CELSR1: variants seen among roughly 807,000 people sequenced by gnomAD.
The protein encoded by CELSR1 is adhesion G protein-coupled receptor C1.
Under a neutral mutation model 249.1 loss-of-function variants are expected in CELSR1, and 110 were observed. The ratio of observed to expected loss-of-function variants is 0.44; its 90% CI spans 0.38 to 0.52. The LOEUF (loss-of-function observed/expected upper bound fraction) is 0.52, where lower values mean the gene tolerates loss of function less well. Ranked by LOEUF, CELSR1 falls within the 20% of genes least tolerant of loss-of-function variation. The pLI, the probability that CELSR1 is intolerant of heterozygous loss-of-function variation, is 0.00. For synonymous variants in CELSR1, 2,113 were observed against 1,900.0 expected, an observed-to-expected ratio of 1.11 and a Z score of -2.92; for missense variants, 4,109 against 4,296.4, an observed-to-expected ratio of 0.96 and a Z score of 1.22.
chr22:46,371,913 C>G (rs375087507), intron 25 of CELSR1, among the ~76,000 whole-genome samples: 160 of 146,482 alleles, frequency 1.1e-3, no homozygotes, highest in South Asian at 4.2e-3. Context: ...ATCCCTCCAT[C>G]CACCCACCCA....
intron 2 of CELSR1, among the ~76,000 whole-genome samples, chr22:46,443,668 CACACAT>C (rs1204599559): frequency 4.6e-5 from 7 of 152,230 alleles, no homozygotes; most frequent in African/African-American, 7.2e-5. Flanking sequence ...TTCACACACA[CACACAT>C]ACATACACAT....
chr22:46,366,490 G>T lies in CELSR1; in HGVS notation c.8206-10C>A. The T allele has an allele frequency of 6.5e-7, 1 of 1,548,000 alleles. No homozygotes were observed. The highest frequency in any genetic ancestry group is 8.7e-7 in the Non-Finnish European group (1 of 1,144,724). On this transcript the variant is annotated splice_polypyrimidine_tract_variant and intron_variant, in intron 29 of 34. Transcript: ENST00000674500. ...TGCAGTTGAGGGAGCGCTGAAGGGAGGGGAGGGGCTGGTCACTGCCAAGTG... is the reference window on the plus strand; with the variant it reads ...TGCAGTTGAGGGAGCGCTGAAGGGATGGGAGGGGCTGGTCACTGCCAAGTG...
intron 1 of CELSR1, among the ~76,000 whole-genome samples, chr22:46,480,276 C>T (rs182515370): frequency 9.9e-4 from 151 of 152,292 alleles, no homozygotes; most frequent in African/African-American, 3.6e-3. Context: ...CTGTGGTAGA[C>T]GAAATAATGT....
In CELSR1 at chr22:46,364,556, C is replaced by T. The variant is rs764511358; in HGVS notation, c.8735G>A (p.Gly2912Asp). ...GEYPPDQESG[G>D]AARLASSQPP... is the part of the protein sequence containing the mutation. ...CTGGCTGCTAGCAAGCCTGGCTGCG[C>T]CCCCGCTCTCCTGGTCCGGGGGGTA... Residue 2912 changes from glycine (G) to aspartate (D), a missense_variant, in exon 33 of 35, where the codon GGC becomes GAC. This residue lies in a region of CELSR1 where 1,805 missense variants were observed against 1,831.6 expected (regional missense o/e 0.99). Transcript: ENST00000674500. 3.1e-6 allele frequency: 5 copies of T among 1,612,088 alleles called. No individual in the cohort carries two copies. The African/African-American group carries it at 5.3e-5, about 17-fold the overall frequency.
Position 46,512,157 on chromosome 22 carries a change from C to T in CELSR1, c.3544+21470G>A, listed in dbSNP as rs942535104. On this transcript the variant is annotated intron_variant, in intron 1 of 34. Coordinates refer to ENST00000674500, the MANE Select transcript of CELSR1 (RefSeq NM_001378328.1). The surrounding 1 kb of genome is among the most constrained non-coding windows in gnomAD (Gnocchi z 5.2). ...ACAGCAGCAGCAAGAGTGACGGCGG[C>T]GCTCATAAGCCCTTACTAAGCGTGC... 2.6e-5 allele frequency among the ~76,000 whole-genome samples: 4 copies of T among 152,202 alleles called. No homozygotes were observed. The highest frequency in any genetic ancestry group is 7.2e-5 in the African/African-American group (3 of 41,434).
chr22:46,400,748 T>C (rs534880188), intron 9 of CELSR1, among the ~76,000 whole-genome samples: 96 of 151,722 alleles, frequency 6.3e-4, no homozygotes, highest in Admixed American at 1.8e-3. Flanking sequence ...GGCCAGGAGG[T>C]CAAGGCCAGC....
In CELSR1 at chr22:46,448,696, G is replaced by C; in HGVS notation, c.4184-9285C>G. ...GAAACACAAGAACAGAGAACAAGGA[G>C]TGAGTGGAAGGGCCCGGGAACAGGA... On this transcript the variant is annotated intron_variant, in intron 2 of 34. Coordinates refer to ENST00000674500, the MANE Select transcript of CELSR1 (RefSeq NM_001378328.1). This position sits in a 1 kb window ranked among gnomAD's most constrained non-coding sequence, Gnocchi z 5.7. 1 of 319,734 alleles carries C rather than the reference G, an allele frequency of 3.1e-6. No individual in the cohort carries two copies. Among genetic ancestry groups the C allele is most frequent in the South Asian group, 2.6e-5 (1 of 38,848 alleles). 19.8% of individuals were successfully genotyped at this position (319,734 alleles called of 1,614,324 possible). A position where few individuals can be genotyped will look rare whatever the true frequency, so the allele number is the denominator to read the frequency against.
rs1301400677 is a variant in CELSR1 at position 46,446,686 on chromosome 22, C to T, written c.4184-7275G>A. 2.0e-5 allele frequency among the ~76,000 whole-genome samples: 3 copies of T among 152,162 alleles called. No individual in the cohort carries two copies. The highest frequency in any genetic ancestry group is 2.9e-5 in the Non-Finnish European group (2 of 68,028). ...ATGAAGTCAAAAAATGCCAGGATTTCCCCAGTTCCAAGCCAATGACTGATG... is the reference window on the plus strand; with the variant it reads ...ATGAAGTCAAAAAATGCCAGGATTTTCCCAGTTCCAAGCCAATGACTGATG... On this transcript the variant is annotated intron_variant, in intron 2 of 34. Transcript: ENST00000674500. This position sits in a 1 kb window ranked among gnomAD's most constrained non-coding sequence, Gnocchi z 5.5.
At chr22:46,377,287 G>C (rs1460775856) in intron 23 of CELSR1, 26 bp from the exon 24 acceptor site, 4 of 1,611,140 alleles carry the variant, frequency 2.5e-6, no homozygotes, top group Non-Finnish European at 2.5e-6. Context: ...TTAAAGGCAG[G>C]AGAGAAGGTA....
In CELSR1 at chr22:46,363,669, G is replaced by A. The variant is rs560538152; in HGVS notation, c.9035+327C>T. 20 of 402,312 alleles carry A rather than the reference G, an allele frequency of 5.0e-5. 1 individual carries two copies. Among genetic ancestry groups the A allele is most frequent in the Admixed American group, 3.8e-4 (9 of 23,898 alleles). The allele number at this position is 402,312 out of a possible 1,614,324, so 24.9% of individuals were successfully genotyped here. On this transcript the variant is annotated intron_variant, in intron 34 of 34. Transcript: ENST00000674500. The surrounding 1 kb of genome is among the most constrained non-coding windows in gnomAD (Gnocchi z 4.3). The stretch of plus-strand genomic sequence containing the variant: ...GACCCTCAGTATCCTCAACTGCAAG[G>A]TGGGTGGCAGTGGTCCCAGGCGGAG...
At chr22:46,375,773 G>C (rs1490255822) in intron 24 of CELSR1, among the ~76,000 whole-genome samples, 2 of 152,124 alleles carry the variant, frequency 1.3e-5, no homozygotes, top group African/African-American at 4.8e-5. Context: ...CGAACTCCTT[G>C]ACCTCAAGTG....
At chr22:46,501,827 C>T (rs997586048) in intron 1 of CELSR1, among the ~76,000 whole-genome samples, 1 of 152,200 alleles carries the variant, frequency 6.6e-6, no homozygotes, top group Admixed American at 6.5e-5. Flanking sequence ...CCCGCTGGCA[C>T]AGTCATGGGC....
In CELSR1 at chr22:46,535,996, A is replaced by G. The variant is rs748635750; in HGVS notation, c.1175T>C (p.Val392Ala). Residue 392 changes from valine to alanine, a missense_variant, in exon 1 of 35, where the codon GTG becomes GCG. Val to Ala is a moderately conservative substitution (Grantham distance 64). This residue lies in a region of CELSR1 where 673 missense variants were observed against 636.8 expected (regional missense o/e 1.06). Coordinates refer to ENST00000674500, the MANE Select transcript of CELSR1 (RefSeq NM_001378328.1). The stretch of plus-strand genomic sequence containing the variant: ...GAAGACGTCCCACGCGCCCCCCAAC[A>G]CGCGGTAACGCAAGTTGGCGTTGAT... ...SPINANLRYRVLGGAWDVFQL... is the reference protein window; with the variant it reads ...SPINANLRYRALGGAWDVFQL... 1.3e-4 allele frequency: 212 copies of G among 1,610,766 alleles called. No individual in the cohort carries two copies. In the Middle Eastern group the frequency reaches 1.5e-3, roughly 11 times the overall value.
At chr22:46,439,525 A>T in intron 2 of CELSR1, 114 bp from the exon 3 acceptor site, 1 of 812,532 alleles carries the variant, frequency 1.2e-6, no homozygotes, top group South Asian at 1.7e-5. Context: ...CTGCTGAAAG[A>T]AAACCCGACT....
rs566432549 is a variant in CELSR1 at position 46,464,470 on chromosome 22, C to T, written c.3545-125G>A. On this transcript the variant is annotated intron_variant, in intron 1 of 34. Coordinates refer to ENST00000674500, the MANE Select transcript of CELSR1 (RefSeq NM_001378328.1). The surrounding 1 kb of genome is among the most constrained non-coding windows in gnomAD (Gnocchi z 8.5). Reference sequence around the variant, plus strand: ...AGAAGAGAGCCTGGGCATCCCCACTCCCCATTCCCCACCCATGACCACCAC... The same window carrying T: ...AGAAGAGAGCCTGGGCATCCCCACTTCCCATTCCCCACCCATGACCACCAC... The T allele has an allele frequency of 8.3e-5, 80 of 960,048 alleles. No individual in the cohort carries two copies. Among genetic ancestry groups the T allele is most frequent in the Non-Finnish European group, 1.1e-4 (74 of 657,882 alleles). 59.5% of individuals were successfully genotyped at this position (960,048 alleles called of 1,614,324 possible).
At chr22:46,465,857 A>G (rs972723637) in intron 1 of CELSR1, among the ~76,000 whole-genome samples, 1 of 152,150 alleles carries the variant, frequency 6.6e-6, no homozygotes, top group Non-Finnish European at 1.5e-5. Flanking sequence ...ACACCCAGAA[A>G]CGCAGGCCCG....
At position 46,391,829 on chromosome 22, in the gene CELSR1, G is replaced by GA; in HGVS notation, c.5965-14dup. 6.2e-7 allele frequency: 1 copy of GA among 1,606,878 alleles called. No individual in the cohort carries two copies. The highest frequency in any genetic ancestry group is 8.5e-7 in the Non-Finnish European group (1 of 1,178,128). Reference sequence around the variant, plus strand: ...TGTAGTAATTCTCCTGCAAAAGCCAGAGGCAGGGCCTGTGACTTCAGATGC... The same window carrying GA: ...TGTAGTAATTCTCCTGCAAAAGCCAGAAGGCAGGGCCTGTGACTTCAGATGC... On this transcript the variant is annotated splice_polypyrimidine_tract_variant and intron_variant, in intron 14 of 34. Transcript: ENST00000674500. This position sits in a 1 kb window ranked among gnomAD's most constrained non-coding sequence, Gnocchi z 4.3.
At chr22:46,377,684 A>C in intron 23 of CELSR1, 1 of 211,022 alleles carries the variant, frequency 4.7e-6, no homozygotes, top group Non-Finnish European at 9.7e-6. Context: ...AACTCCACTA[A>C]TCACTGACCC....
chr22:46,439,046 C>T (rs555155074), intron 3 of CELSR1, 143 bp downstream of exon 3: 7 of 805,302 alleles, frequency 8.7e-6, no homozygotes, highest in African/African-American at 6.9e-5. Context: ...GCGTGAGCCA[C>T]CGCGCCTGGC....
Sources: gnomAD v4.1 joint callset for allele counts (sites outside exome capture counted in the v4.1 genomes callset) on GRCh38, gnomAD v4.1.1 for gene constraint, gnomAD v4.1.1 regional missense constraint, Gnocchi (gnomAD v3.1) non-coding constraint, MANE v1.5 for transcripts, NCBI Gene and HGNC (gene_info 2026-07-23, HGNC 2026-07-21) for gene names.